Variants in SCN7A observed in about 807,000 individuals in gnomAD.
The protein encoded by SCN7A is sodium channel protein type 7 subunit alpha.
Under a neutral mutation model 155.2 loss-of-function variants are expected in SCN7A, and 138 were observed. The ratio of observed to expected loss-of-function variants is 0.89; its 90% CI spans 0.77 to 1.02. SCN7A has a LOEUF of 1.02. Ranked by LOEUF, SCN7A falls within the 50% of genes least tolerant of loss-of-function variation. The probability of loss-of-function intolerance (pLI) is 0.00; values close to 1 mark genes in which losing one functional copy is unlikely to be tolerated. For synonymous variants in SCN7A, 693 were observed against 649.0 expected (o/e 1.07, Z -1.03); for missense variants, 2,058 against 1,986.6 (o/e 1.04, Z -0.68).
At chr2:166,407,568 T>C (rs555211763) in intron 25 of SCN7A, among the ~76,000 whole-genome samples, 10 of 151,994 alleles carry the variant, frequency 6.6e-5, no homozygotes, top group Non-Finnish European at 1.2e-4. Flanking sequence ...CCTATCTCTA[T>C]AGTGCTTTAG....
chr2:166,465,655 T>A, intron 8 of SCN7A, 124 bp from the exon 9 acceptor site: 4 of 1,259,284 alleles, frequency 3.2e-6, no homozygotes, highest in Non-Finnish European at 4.5e-6. Flanking sequence ...AGAGCAAATA[T>A]CCTTGCCTTT....
intron 18 of SCN7A, among the ~76,000 whole-genome samples, chr2:166,426,092 T>G (rs892005253): frequency 6.6e-6 from 1 of 152,104 alleles, no homozygotes; most frequent in Non-Finnish European, 1.5e-5. Flanking sequence ...ATGTGCCTCC[T>G]ACTCTAAGAA....
chr2:166,483,817 A>G (rs923498910), intron 2 of SCN7A, among the ~76,000 whole-genome samples: 1 of 151,940 alleles, frequency 6.6e-6, no homozygotes, highest in Non-Finnish European at 1.5e-5. Flanking sequence ...TTCAAGCAAC[A>G]GAGACTTGAC....
At chr2:166,474,888 C>A (rs1481206078) in intron 3 of SCN7A, among the ~76,000 whole-genome samples, 2 of 151,166 alleles carry the variant, frequency 1.3e-5, no homozygotes, top group South Asian at 2.1e-4. Context: ...AAATTTATAT[C>A]ATGTAAACCT....
In SCN7A at chr2:166,455,362, GA is replaced by G. The variant is rs796851519; in HGVS notation, c.1290+1507del. 1.9e-3 allele frequency among the ~76,000 whole-genome samples: 279 copies of G among 144,876 alleles called. 2 individuals are homozygous for G. Among genetic ancestry groups the G allele is most frequent in the Middle Eastern group, 0.01 (3 of 286 alleles). On this transcript the variant is annotated intron_variant, in intron 11 of 25. Coordinates refer to ENST00000643258, the MANE Select transcript of SCN7A (RefSeq NM_002976.4). ...AGCACTGTGATTTTAAGAAGCATTA[GA>G]AAAAAAAAAATGAAACCATGTCATT...
At chr2:166,429,510 T>G (rs1329196467) in intron 16 of SCN7A, among the ~76,000 whole-genome samples, 1 of 152,106 alleles carries the variant, frequency 6.6e-6, no homozygotes, top group Non-Finnish European at 1.5e-5. Context: ...ACATTTAGAT[T>G]AAAATTCATG....
chr2:166,458,963 G>T (rs1168074191), intron 10 of SCN7A, among the ~76,000 whole-genome samples: 1 of 152,234 alleles, frequency 6.6e-6, no homozygotes, highest in African/African-American at 2.4e-5. Flanking sequence ...AACTTATACA[G>T]GAGAAAATTT....
At chr2:166,454,469 T>C (rs1228175425) in intron 11 of SCN7A, among the ~76,000 whole-genome samples, 1 of 152,168 alleles carries the variant, frequency 6.6e-6, no homozygotes, top group Non-Finnish European at 1.5e-5. Flanking sequence ...TTTGGTACAA[T>C]AGCTTTCTAA....
At chr2:166,438,515 CT>C (rs1701885263) in intron 15 of SCN7A, among the ~76,000 whole-genome samples, 1 of 152,128 alleles carries the variant, frequency 6.6e-6, no homozygotes, top group African/African-American at 2.4e-5. Context: ...CAAGACAGAA[CT>C]ATTTAAAAAC....
chr2:166,483,868 T>C (rs909253834), intron 2 of SCN7A, among the ~76,000 whole-genome samples: 1 of 152,060 alleles, frequency 6.6e-6, no homozygotes, highest in South Asian at 2.1e-4. Flanking sequence ...TACTCAAATC[T>C]GTTCACAGTA....
intron 3 of SCN7A, 127 bp downstream of exon 3, chr2:166,477,336 T>C (rs1168684889): frequency 2.7e-6 from 2 of 729,092 alleles, no homozygotes; most frequent in Non-Finnish European, 2.2e-6. Context: ...TGTCGTTCTG[T>C]AAAATTTAAA....
intron 12 of SCN7A, among the ~76,000 whole-genome samples, chr2:166,446,254 C>T (rs914668001): frequency 6.6e-6 from 1 of 152,038 alleles, no homozygotes; most frequent in African/African-American, 2.4e-5. Context: ...GTGTGGCCAA[C>T]AAACATTTGA....
chr2:166,445,552 T>G (rs1702045153), intron 12 of SCN7A, among the ~76,000 whole-genome samples: 1 of 152,140 alleles, frequency 6.6e-6, no homozygotes, highest in South Asian at 2.1e-4. Context: ...AAACCCTCTC[T>G]TGGGCGACCC....
chr2:166,484,900 T>C (rs1703011253), intron 2 of SCN7A, among the ~76,000 whole-genome samples: 2 of 152,004 alleles, frequency 1.3e-5, no homozygotes, highest in Admixed American at 1.3e-4. Flanking sequence ...GACATGTCTA[T>C]GTTTAAGAAG....
chr2:166,491,344 T>C (rs1683098609), intron 1 of SCN7A, among the ~76,000 whole-genome samples: 1 of 152,212 alleles, frequency 6.6e-6, no homozygotes, highest in African/African-American at 2.4e-5. Flanking sequence ...TCCATTGAGC[T>C]GGTTATCCTT....
At chr2:166,470,867 G>A (rs1702639044) in intron 6 of SCN7A, among the ~76,000 whole-genome samples, 161 bp from the exon 7 acceptor site, 1 of 151,716 alleles carries the variant, frequency 6.6e-6, no homozygotes, top group Non-Finnish European at 1.5e-5. Context: ...TTGATTAGAA[G>A]ACAAAGATTG....
At chr2:166,445,209 G>A (rs1470192446) in intron 12 of SCN7A, among the ~76,000 whole-genome samples, 2 of 152,048 alleles carry the variant, frequency 1.3e-5, no homozygotes, top group South Asian at 2.1e-4. Flanking sequence ...CCAGCTACTC[G>A]GGAGGCCGAG....
chr2:166,441,293 T>A, intron 15 of SCN7A, 103 bp downstream of exon 15: 1 of 764,512 alleles, frequency 1.3e-6, no homozygotes, highest in East Asian at 2.7e-5. Context: ...TCTATTGGAC[T>A]ACCACAGTTA....
At chr2:166,481,889 A>G (rs1575067234) in intron 2 of SCN7A, among the ~76,000 whole-genome samples, 1 of 152,290 alleles carries the variant, frequency 6.6e-6, no homozygotes, top group South Asian at 2.1e-4. Context: ...ACTAGAATCA[A>G]TGAGGTGAAG....
Sources: gnomAD v4.1 joint callset for allele counts (sites outside exome capture counted in the v4.1 genomes callset) on GRCh38, gnomAD v4.1.1 for gene constraint, MANE v1.5 for transcripts, NCBI Gene and HGNC (gene_info 2026-07-23, HGNC 2026-07-21) for gene names.